The following CRISP1 variants were observed in gnomAD, a reference collection of about 807,000 sequenced individuals.
CRISP1 encodes cysteine-rich secretory protein 1.
CRISP1 carries 44 observed loss-of-function variants against 33.1 expected under a neutral mutation model. That is an observed-to-expected ratio of 1.33 (90% CI 1.05 to 1.71). CRISP1 has a LOEUF of 1.71. Ranked by LOEUF, CRISP1 falls within the 40% of genes most tolerant of loss-of-function variation. CRISP1 has a pLI of 0.00. For synonymous variants in CRISP1, 103 were observed against 98.7 expected (o/e 1.04, Z -0.26); for missense variants, 390 against 301.2 (o/e 1.29, Z -2.18).
At chr6:49,875,686 G>C (rs182051066) in intron 1 of CRISP1, among the ~76,000 whole-genome samples, 2 of 151,952 alleles carry the variant, frequency 1.3e-5, no homozygotes, top group Non-Finnish European at 2.9e-5. Context: ...GCATGGTACT[G>C]GTACAAGAAC....
chr6:49,863,663 C>T (rs2127477759), intron 1 of CRISP1, among the ~76,000 whole-genome samples: 1 of 152,110 alleles, frequency 6.6e-6, no homozygotes, highest in East Asian at 1.9e-4. Context: ...GAGGAAAGAT[C>T]AAAGATGAGG....
At chr6:49,860,922 A>G (rs1163608146) in intron 1 of CRISP1, among the ~76,000 whole-genome samples, 1 of 152,094 alleles carries the variant, frequency 6.6e-6, no homozygotes, top group Middle Eastern at 3.2e-3. Flanking sequence ...AGATATTACA[A>G]TTGTCACTAG....
chr6:49,871,080 G>A (rs1582289005), upstream of CRISP1, among the ~76,000 whole-genome samples: 1 of 151,154 alleles, frequency 6.6e-6, no homozygotes, highest in East Asian at 1.9e-4. Flanking sequence ...TCTAGCCTGG[G>A]GGATAAGAGG....
intron 1 of CRISP1, among the ~76,000 whole-genome samples, chr6:49,876,619 G>A (rs1240850994): frequency 1.3e-5 from 2 of 151,910 alleles, no homozygotes; most frequent in Non-Finnish European, 2.9e-5. Context: ...TAACAGCAAA[G>A]ACGTAAAATC....
At chr6:49,839,638 T>C (rs1332041349) in intron 6 of CRISP1, among the ~76,000 whole-genome samples, 1 of 152,170 alleles carries the variant, frequency 6.6e-6, no homozygotes, top group Non-Finnish European at 1.5e-5. Flanking sequence ...TATTACTAAA[T>C]TCAGTAAGAG....
chr6:49,860,089 T>A (rs1388592237), intron 1 of CRISP1, among the ~76,000 whole-genome samples: 1 of 152,142 alleles, frequency 6.6e-6, no homozygotes, highest in East Asian at 1.9e-4. Context: ...TCTAAATGTA[T>A]GCACCCAACA....
chr6:49,869,517 T>G (rs1181220135), upstream of CRISP1, among the ~76,000 whole-genome samples: 1 of 152,192 alleles, frequency 6.6e-6, no homozygotes, highest in Non-Finnish European at 1.5e-5. Flanking sequence ...CAAGGATTAT[T>G]GAAGCTATCC....
chr6:49,850,315 G>T (rs1293812614), intron 3 of CRISP1, among the ~76,000 whole-genome samples: 3 of 152,032 alleles, frequency 2.0e-5, no homozygotes, highest in Non-Finnish European at 4.4e-5. Flanking sequence ...AATATAGCAG[G>T]ATGTTTGCAC....
chr6:49,867,013 T>C (rs1048378888), upstream of CRISP1, among the ~76,000 whole-genome samples: 1 of 152,150 alleles, frequency 6.6e-6, no homozygotes, highest in Non-Finnish European at 1.5e-5. Context: ...AAGTAGTCCA[T>C]TTTCCTAAGA....
intron 2 of CRISP1, among the ~76,000 whole-genome samples, chr6:49,856,533 A>G (rs1383187045): frequency 6.6e-6 from 1 of 152,122 alleles, no homozygotes; most frequent in Non-Finnish European, 1.5e-5. Flanking sequence ...AGTAATAGGA[A>G]CCAAATACCA....
chr6:49,848,948 G>A (rs1771268100), intron 3 of CRISP1, among the ~76,000 whole-genome samples: 1 of 152,008 alleles, frequency 6.6e-6, no homozygotes. Flanking sequence ...GGGAAATAAG[G>A]CACAGAGATG....
chr6:49,870,381 T>C (rs1771894696), upstream of CRISP1, among the ~76,000 whole-genome samples: 3 of 152,056 alleles, frequency 2.0e-5, no homozygotes, highest in African/African-American at 2.4e-5. Context: ...TAACCAGTAG[T>C]AGTAAATTTG....
At chr6:49,858,510 C>T (rs1041224234) in intron 1 of CRISP1, among the ~76,000 whole-genome samples, 57 of 152,286 alleles carry the variant, frequency 3.7e-4, no homozygotes, top group African/African-American at 1.3e-3. Flanking sequence ...ATTGCTCTCA[C>T]GTTTCCCCTG....
intron 1 of CRISP1, among the ~76,000 whole-genome samples, chr6:49,876,101 G>C (rs1224080111): frequency 6.6e-6 from 1 of 151,850 alleles, no homozygotes; most frequent in Admixed American, 6.6e-5. Context: ...TCATCAGAGT[G>C]AATAGTCTAC....
intron 1 of CRISP1, among the ~76,000 whole-genome samples, chr6:49,864,473 A>G (rs1771747178): frequency 6.6e-6 from 1 of 151,380 alleles, no homozygotes; most frequent in Non-Finnish European, 1.5e-5. Flanking sequence ...GCTGTATGGT[A>G]TACACATGTC....
At chr6:49,872,719 G>A (rs562783460) in intron 1 of CRISP1, among the ~76,000 whole-genome samples, 29 of 152,134 alleles carry the variant, frequency 1.9e-4, no homozygotes, top group Non-Finnish European at 1.3e-4. Flanking sequence ...GTAGATATGC[G>A]GCATTATTTC....
chr6:49,857,270 G>A, intron 2 of CRISP1, 65 bp downstream of exon 2: 2 of 1,489,112 alleles, frequency 1.3e-6, no homozygotes, highest in South Asian at 1.2e-5. Context: ...ATGGTGAATT[G>A]TATTAAAGTG....
chr6:49,838,723 G>GT (rs1203340362), intron 6 of CRISP1, among the ~76,000 whole-genome samples, 198 bp from the exon 7 acceptor site: 1 of 152,134 alleles, frequency 6.6e-6, no homozygotes, highest in Non-Finnish European at 1.5e-5. Context: ...ATAAATGTGA[G>GT]TGACATGAAA....
At chr6:49,869,102 C>G (rs12193465), upstream of CRISP1, among the ~76,000 whole-genome samples, 14,752 of 152,154 alleles carry the variant, frequency 0.097, 1,003 homozygotes, top group Non-Finnish European at 0.15. Flanking sequence ...AATGTGGTCT[C>G]TTGGTTTCTG....
Sources: allele counts gnomAD v4.1 joint callset (sites outside exome capture counted in the v4.1 genomes callset), GRCh38; gene constraint gnomAD v4.1.1; transcripts MANE v1.5; gene names NCBI Gene and HGNC (gene_info 2026-07-23, HGNC 2026-07-21).